Variants in PLEKHG7 observed in about 807,000 individuals in gnomAD.
PLEKHG7 encodes the protein pleckstrin homology domain-containing family G member 7.
PLEKHG7 carries 77 observed loss-of-function variants against 85.2 expected under a neutral mutation model. The ratio of observed to expected loss-of-function variants is 0.90; its 90% CI spans 0.75 to 1.09. PLEKHG7 has a LOEUF of 1.09. Among genes scored for constraint, PLEKHG7 ranks in the 50% least tolerant of loss-of-function variants. The pLI, the probability that PLEKHG7 is intolerant of heterozygous loss-of-function variation, is 0.00. For missense variants in PLEKHG7, 777 were observed against 804.3 expected (o/e 0.97, Z 0.41); for synonymous variants, 301 against 302.4 (o/e 1.00, Z 0.05).
At chr12:92,727,481 G>T (rs1871848560) in intron 3 of PLEKHG7, among the ~76,000 whole-genome samples, 1 of 152,018 alleles carries the variant, frequency 6.6e-6, no homozygotes, top group Non-Finnish European at 1.5e-5. Flanking sequence ...CCATTGTATA[G>T]TGCCCACTTA....
At chr12:92,755,068 C>T (rs573062997) in intron 11 of PLEKHG7, among the ~76,000 whole-genome samples, 1 of 152,266 alleles carries the variant, frequency 6.6e-6, no homozygotes, top group East Asian at 1.9e-4. Context: ...GACAAAGAAT[C>T]TCTTAAAGAT....
At position 92,715,317 on chromosome 12, in the gene PLEKHG7, G is replaced by A. The variant is rs1871450747; in HGVS notation, c.530+7645G>A. Among the ~76,000 whole-genome samples, 5 of 152,188 alleles carry A rather than the reference G, an allele frequency of 3.3e-5. No homozygotes were observed. The South Asian group carries it at 8.3e-4, about 25-fold the overall frequency. On this transcript the variant is annotated intron_variant, in intron 3 of 16. Coordinates refer to ENST00000344636, the MANE Select transcript of PLEKHG7 (RefSeq NM_001377329.1). Reference sequence around the variant, plus strand: ...TAGATGGTGCCCACCCAGATTAAGGGTGGGTCTGCCTTCCCCCGCCCACTG... The same window carrying A: ...TAGATGGTGCCCACCCAGATTAAGGATGGGTCTGCCTTCCCCCGCCCACTG...
chr12:92,754,448 C>G (rs547365018), intron 11 of PLEKHG7, among the ~76,000 whole-genome samples, 184 bp downstream of exon 11: 20 of 152,178 alleles, frequency 1.3e-4, no homozygotes, highest in Non-Finnish European at 2.8e-4. Flanking sequence ...CCAGTCACAT[C>G]CTGGCGAACC....
chr12:92,703,147 A>T lies in PLEKHG7; in HGVS notation c.-162+15A>T, dbSNP rs917198431. 4.6e-5 allele frequency: 7 copies of T among 152,356 alleles called. No individual in the cohort carries two copies. The highest frequency in any genetic ancestry group is 1.7e-4 in the African/African-American group (7 of 41,466). The allele number at this position is 152,356 out of a possible 1,614,324, so 9.4% of individuals were successfully genotyped here. The stretch of plus-strand genomic sequence containing the variant: ...CCATCTTACAGGTATTAAAGGCAAC[A>T]TTCAGCTGCTTTCTGGGTTTCTCTC... On this transcript the variant is annotated intron_variant, in intron 1 of 16. Coordinates refer to ENST00000344636, the MANE Select transcript of PLEKHG7 (RefSeq NM_001377329.1).
intron 3 of PLEKHG7, among the ~76,000 whole-genome samples, chr12:92,726,770 G>T (rs936662538): frequency 2.0e-5 from 3 of 152,156 alleles, no homozygotes; most frequent in African/African-American, 7.2e-5. Context: ...AAGAAGGTAG[G>T]AGAAAGGAGA....
chr12:92,755,574 G>A (rs1193347538), intron 11 of PLEKHG7, among the ~76,000 whole-genome samples: 3 of 152,030 alleles, frequency 2.0e-5, no homozygotes, highest in Admixed American at 2.0e-4. Flanking sequence ...ATTGAAATAA[G>A]AATACACAAT....
At chr12:92,721,702 C>CAAAAAAAAA (rs71069170) in intron 3 of PLEKHG7, among the ~76,000 whole-genome samples, 4 of 43,372 alleles carry the variant, frequency 9.2e-5, no homozygotes, top group Non-Finnish European at 1.7e-4. Context: ...AGCATAAAAC[C>CAAAAAAAAA]AAAAAAAAAA....
At position 92,761,628 on chromosome 12, in the gene PLEKHG7, AAGAAAG is replaced by A. The variant is rs1343067510; in HGVS notation, c.1637-122_1637-117del. 9.5e-5 allele frequency: 10 copies of A among 104,718 alleles called. 1 individual carries two copies. In the African/African-American group the frequency reaches 1.4e-3, roughly 15 times the overall value. 6.5% of individuals were successfully genotyped at this position (104,718 alleles called of 1,614,324 possible). A position where few individuals can be genotyped will look rare whatever the true frequency, so the allele number is the denominator to read the frequency against. On this transcript the variant is annotated intron_variant, in intron 13 of 16. Transcript: ENST00000344636. ...AAGAAAAAGAAAGAAAGAAAGAAGA[AAGAAAG>A]AAAGAAAGAAAGAAAGAAAGAAAGA...
At chr12:92,756,792 T>C (rs1343820208) in intron 13 of PLEKHG7, among the ~76,000 whole-genome samples, 5 of 152,208 alleles carry the variant, frequency 3.3e-5, no homozygotes, top group Non-Finnish European at 5.9e-5. Context: ...ATAGGACAAG[T>C]TGTGCTAGGT....
At chr12:92,721,576 G>GGGGC in intron 3 of PLEKHG7, 32 of 476,968 alleles carry the variant, frequency 6.7e-5, no homozygotes, top group Non-Finnish European at 9.4e-5. Flanking sequence ...TGGGGGTGGG[G>GGGGC]AAAGCCAGTG....
intron 7 of PLEKHG7, among the ~76,000 whole-genome samples, chr12:92,738,123 G>C (rs148710674): frequency 5.5e-4 from 84 of 152,322 alleles, no homozygotes; most frequent in African/African-American, 1.9e-3. Flanking sequence ...TGCAGATATA[G>C]GGGGCTACCA....
chr12:92,705,926 C>A (rs1177309022), intron 1 of PLEKHG7, among the ~76,000 whole-genome samples: 2 of 152,148 alleles, frequency 1.3e-5, no homozygotes, highest in South Asian at 2.1e-4. Flanking sequence ...TCTTTTCAAA[C>A]CTGCAAGTCC....
chr12:92,757,612 T>C (rs540635960), intron 13 of PLEKHG7, among the ~76,000 whole-genome samples: 2 of 152,342 alleles, frequency 1.3e-5, no homozygotes, highest in East Asian at 3.9e-4. Context: ...CTCTTTCCAG[T>C]AAGTTAAATA....
At chr12:92,713,706 A>G (rs1052408044) in intron 3 of PLEKHG7, among the ~76,000 whole-genome samples, 1 of 152,158 alleles carries the variant, frequency 6.6e-6, no homozygotes, top group African/African-American at 2.4e-5. Context: ...AGTAGGTCTA[A>G]AGTGACTAAT....
intron 3 of PLEKHG7, among the ~76,000 whole-genome samples, chr12:92,726,099 G>T: frequency 6.6e-6 from 1 of 152,192 alleles, no homozygotes; most frequent in East Asian, 1.9e-4. Context: ...GAGGGCATGG[G>T]ATCCGAGAAT....
At position 92,707,092 on chromosome 12, in the gene PLEKHG7, A is replaced by G. The variant is rs751688571; in HGVS notation, c.461A>G (p.Glu154Gly). The change falls in exon 2 of 17, where the codon GAA (glutamate) becomes GGA (glycine). Residue 154 changes from glutamate to glycine, a missense_variant. This residue lies in a region of PLEKHG7 where 252 missense variants were observed against 241.9 expected (regional missense o/e 1.04). Coordinates refer to ENST00000344636, the MANE Select transcript of PLEKHG7 (RefSeq NM_001377329.1). Reference sequence around the variant, plus strand: ...CACCAGGCCTCTCTTCGGCAGCAAGAAGGCCACTTCCTGCCCAGCCCCACC... The same window carrying G: ...CACCAGGCCTCTCTTCGGCAGCAAGGAGGCCACTTCCTGCCCAGCCCCACC... ...SLHQASLRQQEGHFLPSPTLR... is the reference protein window; with the variant it reads ...SLHQASLRQQGGHFLPSPTLR... 6.2e-7 allele frequency: 1 copy of G among 1,614,070 alleles called. No individual in the cohort carries two copies. Among genetic ancestry groups the G allele is most frequent in the South Asian group, 1.1e-5 (1 of 91,084 alleles).
At chr12:92,764,777 C>T (rs1873141814) in intron 15 of PLEKHG7, among the ~76,000 whole-genome samples, 1 of 152,194 alleles carries the variant, frequency 6.6e-6, no homozygotes, top group South Asian at 2.1e-4. Context: ...AGGAACTCAG[C>T]AGGCCCTACA....
At chr12:92,713,181 A>G (rs1871398116) in intron 3 of PLEKHG7, among the ~76,000 whole-genome samples, 1 of 152,198 alleles carries the variant, frequency 6.6e-6, no homozygotes, top group Admixed American at 6.5e-5. Flanking sequence ...TCCTTCCTCA[A>G]GGGGACCTGG....
At chr12:92,703,316 G>A (rs1051620490) in intron 1 of PLEKHG7, among the ~76,000 whole-genome samples, 184 bp downstream of exon 1, 2 of 152,202 alleles carry the variant, frequency 1.3e-5, no homozygotes, top group Admixed American at 1.3e-4. Flanking sequence ...GTGGGTGGGT[G>A]TTTGCTGGAT....
Sources: gnomAD v4.1 joint callset for allele counts (sites outside exome capture counted in the v4.1 genomes callset) on GRCh38, gnomAD v4.1.1 for gene constraint, gnomAD v4.1.1 regional missense constraint, MANE v1.5 for transcripts, NCBI Gene and HGNC (gene_info 2026-07-23, HGNC 2026-07-21) for gene names.